The following MEGF11 variants were observed in gnomAD, a reference collection of about 807,000 sequenced individuals.
MEGF11 encodes multiple epidermal growth factor-like domains protein 11.
Under a neutral mutation model 146.6 loss-of-function variants are expected in MEGF11, and 126 were observed. The ratio of observed to expected loss-of-function variants is 0.86; its 90% CI spans 0.74 to 1.00. MEGF11 has a LOEUF of 1.00. Ranked by LOEUF, MEGF11 falls within the 50% of genes least tolerant of loss-of-function variation. The pLI, the probability that MEGF11 is intolerant of heterozygous loss-of-function variation, is 0.00. For synonymous variants in MEGF11, 532 were observed against 583.4 expected (o/e 0.91, Z 1.27); for missense variants, 1,509 against 1,521.2 (o/e 0.99, Z 0.13).
chr15:65,920,419 C>T (rs2079137131), intron 15 of MEGF11, among the ~76,000 whole-genome samples: 1 of 152,216 alleles, frequency 6.6e-6, no homozygotes. Flanking sequence ...GGGAACCCAT[C>T]CCCAAGTCCT....
chr15:66,112,114 A>G (rs981335400), intron 4 of MEGF11, among the ~76,000 whole-genome samples: 1 of 151,926 alleles, frequency 6.6e-6, no homozygotes, highest in African/African-American at 2.4e-5. Context: ...CAAGGAAACA[A>G]TCTGCCATAA....
chr15:65,899,064 T>C (rs779922440), intron 24 of MEGF11, 130 bp from the exon 25 acceptor site: 4 of 840,840 alleles, frequency 4.8e-6, no homozygotes, highest in Non-Finnish European at 7.3e-6. Context: ...TAATCCAAGA[T>C]TTATTTACTT....
At chr15:66,093,239 G>A (rs2086394811) in intron 5 of MEGF11, among the ~76,000 whole-genome samples, 1 of 152,188 alleles carries the variant, frequency 6.6e-6, no homozygotes, top group South Asian at 2.1e-4. Context: ...ACTGGCTTTG[G>A]CCAGAATGTT....
intron 5 of MEGF11, among the ~76,000 whole-genome samples, chr15:66,057,754 G>A (rs1472879275): frequency 2.0e-5 from 3 of 152,154 alleles, no homozygotes; most frequent in East Asian, 3.9e-4. Flanking sequence ...ATTATGTTTA[G>A]GCTCACTGAC....
At position 65,975,610 on chromosome 15, in the gene MEGF11, G is replaced by T. The variant is rs369235607; in HGVS notation, c.763-4921C>A. On this transcript the variant is annotated intron_variant, in intron 7 of 25. Coordinates refer to ENST00000395614, the MANE Select transcript of MEGF11 (RefSeq NM_001385028.1). ...CACTGGGTTCAAAGTCATGATTTGG[G>T]CTCAGATCCCAGCTCTGCCTCCTCC... 9.9e-5 allele frequency among the ~76,000 whole-genome samples: 15 copies of T among 152,146 alleles called. 1 individual carries two copies. Among genetic ancestry groups the T allele is most frequent in the Admixed American group, 5.9e-4 (9 of 15,274 alleles).
chr15:66,219,753 G>C (rs2091684194), intron 1 of MEGF11, among the ~76,000 whole-genome samples: 1 of 151,902 alleles, frequency 6.6e-6, no homozygotes, highest in South Asian at 2.1e-4. Flanking sequence ...TTGCACTCTT[G>C]AGCATTTATC....
At chr15:66,177,869 G>C (rs57732700) in intron 1 of MEGF11, among the ~76,000 whole-genome samples, 1 of 152,060 alleles carries the variant, frequency 6.6e-6, no homozygotes, top group Non-Finnish European at 1.5e-5. Context: ...ACTTTTAGTA[G>C]AGACGGGGTT....
At position 65,982,337 on chromosome 15, in the gene MEGF11, G is replaced by A. The variant is rs2081677977; in HGVS notation, c.546C>T (p.Gly182=). Reference sequence around the variant, plus strand: ...ACTGGCACGGCAGCTGGCATCCCTTGCCGTGGGTGCCAGGTGCGCAGAGCT... The same window carrying A: ...ACTGGCACGGCAGCTGGCATCCCTTACCGTGGGTGCCAGGTGCGCAGAGCT... ...CEELCAPGTH[G]KGCQLPCQCR... The change falls in exon 6 of 26, where the codon GGC becomes GGT. Residue 182 remains glycine (G), a synonymous_variant. Transcript: ENST00000395614. This position sits in a 1 kb window ranked among gnomAD's most constrained non-coding sequence, Gnocchi z 5.6. 1 of 1,530,614 alleles carries A rather than the reference G, an allele frequency of 6.5e-7. No homozygotes were observed. The highest frequency in any genetic ancestry group is 8.8e-7 in the Non-Finnish European group (1 of 1,139,638). The allele number at this position is 1,530,614 out of a possible 1,614,324, so 94.8% of individuals were successfully genotyped here.
chr15:66,066,547 C>T (rs560201307), intron 5 of MEGF11, among the ~76,000 whole-genome samples: 8 of 152,358 alleles, frequency 5.3e-5, no homozygotes, highest in Admixed American at 3.9e-4. Context: ...CCTGGCTGCC[C>T]GCCCTGGGTC....
In MEGF11 at chr15:66,190,879, C is replaced by T. The variant is rs376479019; in HGVS notation, c.-8-62468G>A. On this transcript the variant is annotated intron_variant, in intron 1 of 25. Coordinates refer to ENST00000395614, the MANE Select transcript of MEGF11 (RefSeq NM_001385028.1). ...TTTGCTTGTTTCAGTTCAAAAAAGA[C>T]CCCAACTCCAAGCAGGTGAGATAAA... Among the ~76,000 whole-genome samples the T allele has an allele frequency of 9.2e-5, 14 of 152,308 alleles. No individual in the cohort carries two copies. The East Asian group carries it at 1.7e-3, about 19-fold the overall frequency.
intron 1 of MEGF11, among the ~76,000 whole-genome samples, chr15:66,242,834 A>AATGTCTTGC (rs1239244771): frequency 6.6e-6 from 1 of 152,160 alleles, no homozygotes; most frequent in Non-Finnish European, 1.5e-5. Flanking sequence ...GGTACTCTGC[A>AATGTCTTGC]AGACAACCTC....
Position 65,898,833 on chromosome 15 carries a change from G to T in MEGF11, c.3157C>A (p.Leu1053Ile), listed in dbSNP as rs1320191780. The T allele has an allele frequency of 1.2e-6, 2 of 1,614,004 alleles. No homozygotes were observed. The highest frequency in any genetic ancestry group is 1.7e-6 in the Non-Finnish European group (2 of 1,179,876). Residue 1053 changes from leucine to isoleucine, a missense_variant, in exon 25 of 26, where the codon CTT becomes ATT. Leu to Ile is a conservative substitution (Grantham distance 5). Coordinates refer to ENST00000395614, the MANE Select transcript of MEGF11 (RefSeq NM_001385028.1). ...ATTTCTACATAGCTGCTTTCTGGAAGCTTGCAGGTGAGGATGGGTGGGTCC... is the reference window on the plus strand; with the variant it reads ...ATTTCTACATAGCTGCTTTCTGGAATCTTGCAGGTGAGGATGGGTGGGTCC... ...IKDPPILTCK[L>I]PESSYVEMKS...
intron 1 of MEGF11, among the ~76,000 whole-genome samples, chr15:66,166,822 C>G (rs770745155): frequency 6.6e-6 from 1 of 152,088 alleles, no homozygotes; most frequent in African/African-American, 2.4e-5. Flanking sequence ...CCCTGGCACG[C>G]CACCTGGCAC....
intron 10 of MEGF11, among the ~76,000 whole-genome samples, chr15:65,949,723 C>G (rs1450001127): frequency 6.6e-6 from 1 of 152,214 alleles, no homozygotes; most frequent in Non-Finnish European, 1.5e-5. Context: ...GGAAGGGGGT[C>G]TGAGAAATCA....
intron 1 of MEGF11, among the ~76,000 whole-genome samples, chr15:66,187,847 A>G (rs1409366363): frequency 6.6e-6 from 1 of 152,214 alleles, no homozygotes; most frequent in Non-Finnish European, 1.5e-5. Flanking sequence ...TCCCTGTATC[A>G]ATGTGAACTC....
At chr15:66,065,836 G>A (rs2085100706) in intron 5 of MEGF11, among the ~76,000 whole-genome samples, 1 of 152,206 alleles carries the variant, frequency 6.6e-6, no homozygotes, top group Admixed American at 6.5e-5. Flanking sequence ...GCCCGGCGAA[G>A]TGGGGGAGCA....
chr15:66,102,407 TTCTC>T (rs1472581868), intron 4 of MEGF11, among the ~76,000 whole-genome samples: 7 of 148,110 alleles, frequency 4.7e-5, no homozygotes, highest in Non-Finnish European at 4.5e-5. Flanking sequence ...TTATTTGCTG[TTCTC>T]TCTAACCATT....
intron 5 of MEGF11, among the ~76,000 whole-genome samples, chr15:66,025,159 T>C (rs756020685): frequency 1.3e-5 from 2 of 152,194 alleles, no homozygotes; most frequent in East Asian, 1.9e-4. Context: ...CAGAGCCAAA[T>C]TGAACTCTCT....
intron 1 of MEGF11, among the ~76,000 whole-genome samples, chr15:66,187,720 G>A (rs1418703907): frequency 6.6e-6 from 1 of 152,124 alleles, no homozygotes; most frequent in African/African-American, 2.4e-5. Context: ...CGTGGGGCTT[G>A]ATCTCAACAG....
Sources: gnomAD v4.1 joint callset for allele counts (sites outside exome capture counted in the v4.1 genomes callset) on GRCh38, gnomAD v4.1.1 for gene constraint, Gnocchi (gnomAD v3.1) non-coding constraint, MANE v1.5 for transcripts, NCBI Gene and HGNC (gene_info 2026-07-23, HGNC 2026-07-21) for gene names.